RIN2: variants seen among roughly 807,000 people sequenced by gnomAD.
RIN2 encodes RAB5 interacting protein 2.
Under a neutral mutation model 78.0 loss-of-function variants are expected in RIN2, and 36 were observed. That is an observed-to-expected ratio of 0.46 (90% CI 0.35 to 0.61). The LOEUF is 0.61. Among genes scored for constraint, RIN2 ranks in the 20% least tolerant of loss-of-function variants. The pLI, the probability that RIN2 is intolerant of heterozygous loss-of-function variation, is 0.00. For missense variants in RIN2, 1,087 were observed against 1,159.7 expected, an observed-to-expected ratio of 0.94 and a Z score of 0.91; for synonymous variants, 466 against 466.8, an observed-to-expected ratio of 1.00 and a Z score of 0.02.
At chr20:19,871,180 G>T (rs1478321948) in intron 2 of RIN2, among the ~76,000 whole-genome samples, 1 of 152,214 alleles carries the variant, frequency 6.6e-6, no homozygotes, top group Non-Finnish European at 1.5e-5. Context: ...GATGGGAGCA[G>T]ATCTGGACCA....
intron 2 of RIN2, among the ~76,000 whole-genome samples, chr20:19,886,220 G>A (rs560042771): frequency 6.6e-6 from 1 of 151,914 alleles, no homozygotes; most frequent in South Asian, 2.1e-4. Context: ...GGTCCAGGTG[G>A]CAGCCTCAGC....
Position 20,001,105 on chromosome 20 carries a change from G to A in RIN2, c.*169G>A. 1.7e-6 allele frequency: 1 copy of A among 595,414 alleles called. No individual in the cohort carries two copies. The highest frequency in any genetic ancestry group is 2.9e-6 in the Non-Finnish European group (1 of 339,930). The allele number at this position is 595,414 out of a possible 1,614,324, so 36.9% of individuals were successfully genotyped here. ...GCCAAGGGCAACTTTAGCCACGCAA[G>A]GTAGCTGAGGTTTGTGAAACAGTAG... On this transcript the variant is annotated 3_prime_UTR_variant, in exon 13 of 13. Transcript: ENST00000255006.
chr20:19,888,891 G>C (rs1456583680), intron 2 of RIN2, among the ~76,000 whole-genome samples: 1 of 152,256 alleles, frequency 6.6e-6, no homozygotes, highest in African/African-American at 2.4e-5. Flanking sequence ...AGCCCAAAAA[G>C]CTACAGTTAG....
intron 2 of RIN2, among the ~76,000 whole-genome samples, chr20:19,866,881 T>C (rs1205244261): frequency 1.3e-5 from 2 of 152,162 alleles, no homozygotes; most frequent in African/African-American, 2.4e-5. Flanking sequence ...CGCCTTGGCC[T>C]CCCAAAGTGC....
intron 1 of RIN2, among the ~76,000 whole-genome samples, chr20:19,784,883 T>G (rs1206858261): frequency 1.3e-5 from 2 of 151,666 alleles, no homozygotes; most frequent in African/African-American, 4.9e-5. Flanking sequence ...AAAGGCGAGG[T>G]TACTGGGAGA....
At chr20:19,948,759 T>A (rs1159337728) in intron 4 of RIN2, among the ~76,000 whole-genome samples, 1 of 152,202 alleles carries the variant, frequency 6.6e-6, no homozygotes, top group East Asian at 1.9e-4. Flanking sequence ...CTTGGAAGTA[T>A]GCCCCAGACA....
At chr20:19,964,837 C>A in intron 6 of RIN2, 115 bp from the exon 7 acceptor site, 1 of 847,792 alleles carries the variant, frequency 1.2e-6, no homozygotes, top group Non-Finnish European at 2.0e-6. Context: ...TGATAAGCCA[C>A]ACGGTAGTTT....
chr20:19,758,706 G>A lies in RIN2; in HGVS notation c.-163+379G>A, dbSNP rs1231459067. Among the ~76,000 whole-genome samples the A allele has an allele frequency of 4.6e-5, 7 of 152,324 alleles. No homozygotes were observed. The East Asian group carries it at 1.4e-3, about 29-fold the overall frequency. On this transcript the variant is annotated intron_variant, in intron 1 of 12. Coordinates refer to ENST00000255006, the MANE Select transcript of RIN2 (RefSeq NM_018993.4). The stretch of plus-strand genomic sequence containing the variant: ...GTGCGGGTGTGCGTGCGTGTGCACC[G>A]GACGGAGTTTGGTAGGGACCTTTGA...
At chr20:19,795,944 G>C (rs2035040440) in intron 1 of RIN2, among the ~76,000 whole-genome samples, 1 of 152,036 alleles carries the variant, frequency 6.6e-6, no homozygotes, top group African/African-American at 2.4e-5. Flanking sequence ...ATAAAGGGCT[G>C]GGCGCAGTGG....
At chr20:19,881,818 G>C (rs941464496) in intron 2 of RIN2, among the ~76,000 whole-genome samples, 2 of 152,162 alleles carry the variant, frequency 1.3e-5, no homozygotes, top group Non-Finnish European at 2.9e-5. Flanking sequence ...GACATAGGCT[G>C]TTAGTAAACA....
intron 3 of RIN2, among the ~76,000 whole-genome samples, chr20:19,927,846 G>C (rs377424271): frequency 6.6e-6 from 1 of 151,968 alleles, no homozygotes; most frequent in Non-Finnish European, 1.5e-5. Flanking sequence ...TACTGCTCCC[G>C]GCCAAGAGAT....
intron 2 of RIN2, among the ~76,000 whole-genome samples, chr20:19,874,664 C>G (rs1227433099): frequency 6.6e-6 from 1 of 152,144 alleles, no homozygotes; most frequent in East Asian, 1.9e-4. Context: ...CACAGCAATG[C>G]TTCTCTCAGA....
At chr20:19,769,728 A>G (rs1313518426) in intron 1 of RIN2, among the ~76,000 whole-genome samples, 1 of 152,242 alleles carries the variant, frequency 6.6e-6, no homozygotes, top group African/African-American at 2.4e-5. Context: ...GTAATGGCTG[A>G]GAAAGCAGAA....
At chr20:19,833,379 C>T (rs190528986) in intron 2 of RIN2, among the ~76,000 whole-genome samples, 39 of 152,026 alleles carry the variant, frequency 2.6e-4, no homozygotes, top group Admixed American at 2.1e-3. Context: ...GTTTGCTGAA[C>T]GTATTGACTC....
chr20:19,971,003 G>A (rs912594442), intron 8 of RIN2, 74 bp downstream of exon 8: 3 of 1,113,190 alleles, frequency 2.7e-6, no homozygotes, highest in African/African-American at 3.1e-5. Flanking sequence ...GGCTCACTGA[G>A]GCTACATTGC....
In RIN2 at chr20:19,853,327, A is replaced by G. The variant is rs1020466872; in HGVS notation, c.-36-36239A>G. 2.3e-3 allele frequency among the ~76,000 whole-genome samples: 348 copies of G among 152,144 alleles called. 1 individual carries two copies. Among genetic ancestry groups the G allele is most frequent in the African/African-American group, 4.4e-3 (181 of 41,494 alleles). On this transcript the variant is annotated intron_variant, in intron 2 of 12. Coordinates refer to ENST00000255006, the MANE Select transcript of RIN2 (RefSeq NM_018993.4). ...TTCCAAGTCTTTGCTATTGTGAATA[A>G]TGCTGCAATAAACATACGTGTGCAT...
intron 2 of RIN2, among the ~76,000 whole-genome samples, chr20:19,855,039 T>C (rs1427818171): frequency 6.6e-6 from 1 of 152,194 alleles, no homozygotes; most frequent in Non-Finnish European, 1.5e-5. Flanking sequence ...GCTCTTATTA[T>C]TTTGAGATAC....
In RIN2 at chr20:19,975,532, G is replaced by C; in HGVS notation, c.1507G>C (p.Val503Leu). Reference protein sequence around the residue: ...VKSQLQKVSGVFSSFMTPEKR... With the variant: ...VKSQLQKVSGLFSSFMTPEKR... ...GTCCCAGCTGCAGAAGGTGAGCGGG[G>C]TGTTCAGCTCCTTCATGACCCCGGA... The change falls in exon 9 of 13, where the codon GTG (valine) becomes CTG (leucine). Residue 503 changes from valine to leucine, a missense_variant. By Grantham distance (32) the Val-to-Leu change is conservative (BLOSUM62 1). Coordinates refer to ENST00000255006, the MANE Select transcript of RIN2 (RefSeq NM_018993.4). The surrounding 1 kb of genome is among the most constrained non-coding windows in gnomAD (Gnocchi z 4.9). 6.2e-7 allele frequency: 1 copy of C among 1,614,038 alleles called. No homozygotes were observed. The highest frequency in any genetic ancestry group is 8.5e-7 in the Non-Finnish European group (1 of 1,179,894).
At chr20:19,846,336 G>A (rs569178478) in intron 2 of RIN2, among the ~76,000 whole-genome samples, 23 of 152,210 alleles carry the variant, frequency 1.5e-4, no homozygotes, top group Non-Finnish European at 2.9e-4. Context: ...CCATTTTCAC[G>A]ATATTGATTC....
Sources: gnomAD v4.1 joint callset for allele counts (sites outside exome capture counted in the v4.1 genomes callset) on GRCh38, gnomAD v4.1.1 for gene constraint, Gnocchi (gnomAD v3.1) non-coding constraint, MANE v1.5 for transcripts, NCBI Gene and HGNC (gene_info 2026-07-23, HGNC 2026-07-21) for gene names.